GLI3: variants seen among roughly 807,000 people sequenced by gnomAD.
GLI3 encodes the protein transcription activator GLI3.
GLI3 carries 20 observed loss-of-function variants against 100.8 expected under a neutral mutation model. That is an observed-to-expected ratio of 0.20 (90% CI 0.14 to 0.29). The LOEUF (loss-of-function observed/expected upper bound fraction) is 0.29, where lower values mean the gene tolerates loss of function less well. Ranked by LOEUF, GLI3 falls within the 10% of genes least tolerant of loss-of-function variation. GLI3 has a pLI of 1.00. For synonymous variants in GLI3, 938 were observed against 860.5 expected, an observed-to-expected ratio of 1.09 and a Z score of -1.58; for missense variants, 2,040 against 2,128.5, an observed-to-expected ratio of 0.96 and a Z score of 0.82.
intron 2 of GLI3, among the ~76,000 whole-genome samples, chr7:42,205,044 C>T (rs1293784192): frequency 6.6e-6 from 1 of 152,196 alleles, no homozygotes; most frequent in Admixed American, 6.5e-5. Flanking sequence ...TGTGGGTGTG[C>T]TTTCAAGTGT....
chr7:42,131,415 G>C (rs1416152049), intron 3 of GLI3, among the ~76,000 whole-genome samples: 1 of 152,180 alleles, frequency 6.6e-6, no homozygotes, highest in Non-Finnish European at 1.5e-5. Flanking sequence ...AAGAGTAAGT[G>C]TAGATAAAGC....
intron 10 of GLI3, among the ~76,000 whole-genome samples, chr7:42,015,357 G>T (rs1248618510): frequency 6.6e-6 from 1 of 151,972 alleles, no homozygotes; most frequent in Non-Finnish European, 1.5e-5. Flanking sequence ...GTCTCCTGAG[G>T]ATATCCCATT....
chr7:42,024,586 T>A (rs914928832), intron 9 of GLI3, among the ~76,000 whole-genome samples: 1 of 152,204 alleles, frequency 6.6e-6, no homozygotes, highest in East Asian at 1.9e-4. Flanking sequence ...GGAATTAGCA[T>A]TCATAGAGCT....
At chr7:42,152,290 A>T in intron 2 of GLI3, 1 of 531,056 alleles carries the variant, frequency 1.9e-6, no homozygotes. Flanking sequence ...TTTAATACCC[A>T]CTACTCCTCT....
chr7:42,133,144 T>C (rs1483117249), intron 3 of GLI3, among the ~76,000 whole-genome samples: 9 of 152,182 alleles, frequency 5.9e-5, no homozygotes, highest in African/African-American at 2.2e-4. Flanking sequence ...AAAGTAAAAC[T>C]TATACAAAAA....
intron 10 of GLI3, among the ~76,000 whole-genome samples, chr7:42,010,180 C>T (rs546246293): frequency 1.3e-3 from 195 of 152,310 alleles, no homozygotes; most frequent in Non-Finnish European, 2.4e-3. Context: ...GATTGACACT[C>T]GGAGCTGCTC....
intron 3 of GLI3, among the ~76,000 whole-genome samples, chr7:42,122,060 A>G (rs914339508): frequency 1.1e-4 from 17 of 152,154 alleles, no homozygotes; most frequent in African/African-American, 3.4e-4. Flanking sequence ...AGAACATGCA[A>G]ACAAGTTATC....
chr7:41,975,911 TAA>T (rs1562665801), intron 12 of GLI3, among the ~76,000 whole-genome samples: 1 of 152,230 alleles, frequency 6.6e-6, no homozygotes, highest in Non-Finnish European at 1.5e-5. Context: ...TACATTCTGT[TAA>T]GTCAAAACCC....
intron 7 of GLI3, among the ~76,000 whole-genome samples, chr7:42,037,913 G>T (rs1351072068): frequency 6.6e-6 from 1 of 152,170 alleles, no homozygotes; most frequent in Non-Finnish European, 1.5e-5. Flanking sequence ...AATAAATAAA[G>T]ATAGCATCAT....
intron 3 of GLI3, among the ~76,000 whole-genome samples, chr7:42,103,809 G>A (rs1336392292): frequency 3.3e-5 from 5 of 152,208 alleles, no homozygotes; most frequent in Non-Finnish European, 4.4e-5. Flanking sequence ...TCAAGCTTCA[G>A]ATGTAGATTG....
chr7:42,079,188 T>G (rs1784946893), intron 3 of GLI3, among the ~76,000 whole-genome samples: 1 of 152,214 alleles, frequency 6.6e-6, no homozygotes, highest in African/African-American at 2.4e-5. Flanking sequence ...AGTTGAATGT[T>G]TATTCAGCAA....
chr7:42,184,151 G>A (rs891858014), intron 2 of GLI3, among the ~76,000 whole-genome samples: 4 of 152,188 alleles, frequency 2.6e-5, no homozygotes, highest in Non-Finnish European at 5.9e-5. Context: ...TCTCTAGAAC[G>A]CTCCCCTCTG....
chr7:42,197,664 C>T (rs966493766), intron 2 of GLI3, among the ~76,000 whole-genome samples: 18 of 152,206 alleles, frequency 1.2e-4, no homozygotes, highest in African/African-American at 4.3e-4. Flanking sequence ...CACCACTTTG[C>T]TATGTTCCGG....
At chr7:42,146,258 G>C (rs1348720436) in intron 3 of GLI3, among the ~76,000 whole-genome samples, 1 of 152,120 alleles carries the variant, frequency 6.6e-6, no homozygotes, top group East Asian at 1.9e-4. Flanking sequence ...GATGATGAAT[G>C]AATTCAGATC....
chr7:41,976,902 AG>A (rs905357410), intron 12 of GLI3, among the ~76,000 whole-genome samples: 3 of 152,220 alleles, frequency 2.0e-5, no homozygotes, highest in African/African-American at 7.2e-5. Context: ...TCTACAATTT[AG>A]GGGGGATCGC....
At chr7:42,059,902 G>A (rs990235972) in intron 4 of GLI3, among the ~76,000 whole-genome samples, 1 of 152,230 alleles carries the variant, frequency 6.6e-6, no homozygotes, top group Non-Finnish European at 1.5e-5. Context: ...ATCCAGCCAG[G>A]CCCAGAGGAT....
At chr7:42,200,698 T>C (rs896927904) in intron 2 of GLI3, among the ~76,000 whole-genome samples, 6 of 152,116 alleles carry the variant, frequency 3.9e-5, no homozygotes, top group Non-Finnish European at 8.8e-5. Context: ...ATTCCTGTTA[T>C]GAGAAGGAAG....
At chr7:42,261,284 A>G (rs563194214) in intron 1 of GLI3, among the ~76,000 whole-genome samples, 105 of 152,114 alleles carry the variant, frequency 6.9e-4, no homozygotes, top group African/African-American at 2.1e-3. Context: ...AAATGATCAG[A>G]TCTCATGAGA....
chr7:42,044,004 T>C (rs1212052231), intron 6 of GLI3, among the ~76,000 whole-genome samples: 1 of 152,218 alleles, frequency 6.6e-6, no homozygotes, highest in Non-Finnish European at 1.5e-5. Flanking sequence ...ACTTTCCATG[T>C]AGTAATGAGC....
Sources: allele counts gnomAD v4.1 joint callset (sites outside exome capture counted in the v4.1 genomes callset), GRCh38; gene constraint gnomAD v4.1.1; transcripts MANE v1.5; gene names NCBI Gene and HGNC (gene_info 2026-07-23, HGNC 2026-07-21).